The following FBXO4 variants were observed in gnomAD, a reference collection of about 807,000 sequenced individuals.
The protein encoded by FBXO4 is F-box protein 4.
FBXO4 carries 36 observed loss-of-function variants against 43.7 expected under a neutral mutation model. That is an observed-to-expected ratio of 0.82 (90% CI 0.63 to 1.09). The LOEUF is 1.09. Ranked by LOEUF, FBXO4 falls within the 50% of genes least tolerant of loss-of-function variation. The probability of loss-of-function intolerance (pLI) is 0.00; values close to 1 mark genes in which losing one functional copy is unlikely to be tolerated. For synonymous variants in FBXO4, 180 were observed against 165.6 expected (o/e 1.09, Z -0.67); for missense variants, 435 against 474.1 (o/e 0.92, Z 0.77).
chr5:42,028,961 G>C, the FBXO4 span, among the ~76,000 whole-genome samples: 1 of 151,882 alleles, frequency 6.6e-6, no homozygotes, highest in Non-Finnish European at 1.5e-5. Flanking sequence ...TCTTTATACA[G>C]AGGATGAGTA....
the FBXO4 span, among the ~76,000 whole-genome samples, chr5:41,955,974 A>G: frequency 6.6e-6 from 1 of 152,328 alleles, no homozygotes; most frequent in East Asian, 1.9e-4. Context: ...AATGGATTAA[A>G]GTTTTTCTAA....
chr5:41,996,592 T>C, the FBXO4 span, among the ~76,000 whole-genome samples: 1 of 152,164 alleles, frequency 6.6e-6, no homozygotes, highest in African/African-American at 2.4e-5. Flanking sequence ...CCTTCTCCTG[T>C]TTTGGACCCC....
chr5:41,970,220 G>T, the FBXO4 span, among the ~76,000 whole-genome samples: 1 of 152,002 alleles, frequency 6.6e-6, no homozygotes, highest in African/African-American at 2.4e-5. Flanking sequence ...TTTAAGTGGA[G>T]TATCCTGAAA....
chr5:41,984,145 GC>G, the FBXO4 span, among the ~76,000 whole-genome samples: 1 of 151,930 alleles, frequency 6.6e-6, no homozygotes, highest in African/African-American at 2.4e-5. Flanking sequence ...ATTTTAATTA[GC>G]AAATTTTATC....
At chr5:42,039,199 TCACAA>T in the FBXO4 span, among the ~76,000 whole-genome samples, 1 of 152,112 alleles carries the variant, frequency 6.6e-6, no homozygotes, top group Non-Finnish European at 1.5e-5. Context: ...GAACAAATAA[TCACAA>T]CTTGTGCTTT....
At chr5:41,973,480 C>T in the FBXO4 span, among the ~76,000 whole-genome samples, 1 of 152,028 alleles carries the variant, frequency 6.6e-6, no homozygotes, top group Non-Finnish European at 1.5e-5. Context: ...GGTTTGAGAC[C>T]AGTCTGGGCA....
At chr5:42,033,416 G>A in the FBXO4 span, among the ~76,000 whole-genome samples, 1 of 152,102 alleles carries the variant, frequency 6.6e-6, no homozygotes, top group Non-Finnish European at 1.5e-5. Context: ...TGGGATACAA[G>A]TGCAGAACGT....
chr5:41,964,018 C>A, the FBXO4 span: 1 of 152,104 alleles, frequency 6.6e-6, no homozygotes, highest in African/African-American at 2.4e-5. Flanking sequence ...GGCAATATTA[C>A]ACAAGCAATT....
At chr5:42,033,153 T>C in the FBXO4 span, among the ~76,000 whole-genome samples, 2 of 152,240 alleles carry the variant, frequency 1.3e-5, no homozygotes, top group Non-Finnish European at 2.9e-5. Flanking sequence ...GAAGTCTGTT[T>C]TGAAGTTGTG....
the FBXO4 span, among the ~76,000 whole-genome samples, chr5:41,992,446 C>T: frequency 6.6e-6 from 1 of 152,102 alleles, no homozygotes; most frequent in Non-Finnish European, 1.5e-5. Flanking sequence ...TTACCCTTAC[C>T]TTCCATTGCT....
the FBXO4 span, among the ~76,000 whole-genome samples, chr5:42,013,567 T>C: frequency 6.6e-6 from 1 of 152,216 alleles, no homozygotes; most frequent in Non-Finnish European, 1.5e-5. Context: ...CTGGTTTTCC[T>C]TCATTATGAC....
chr5:42,034,125 CT>C, the FBXO4 span, among the ~76,000 whole-genome samples: 9 of 151,002 alleles, frequency 6.0e-5, no homozygotes, highest in East Asian at 3.9e-4. Context: ...TGATGTTAAG[CT>C]TTTTTTTTCA....
downstream of FBXO4, among the ~76,000 whole-genome samples, chr5:41,943,406 T>TG (rs1752032740): frequency 6.6e-6 from 1 of 152,130 alleles, no homozygotes; most frequent in Non-Finnish European, 1.5e-5. Context: ...GTCCCTTAAA[T>TG]TCTGAATCTC....
At chr5:41,953,922 G>A in the FBXO4 span, among the ~76,000 whole-genome samples, 39 of 152,088 alleles carry the variant, frequency 2.6e-4, no homozygotes, top group African/African-American at 8.2e-4. Context: ...AGTAGGTTGC[G>A]AAGAAAACCT....
chr5:41,931,799 A>G (rs1297373571), intron 3 of FBXO4, among the ~76,000 whole-genome samples: 2 of 152,230 alleles, frequency 1.3e-5, no homozygotes, highest in African/African-American at 4.8e-5. Flanking sequence ...TGTTCAGTTT[A>G]TGTTTGGGGG....
chr5:41,943,739 A>G (rs1013745991), downstream of FBXO4, among the ~76,000 whole-genome samples: 1 of 152,148 alleles, frequency 6.6e-6, no homozygotes, highest in African/African-American at 2.4e-5. Flanking sequence ...GTGCATATTA[A>G]TAACTGTTAA....
chr5:41,949,533 A>C, the FBXO4 span, among the ~76,000 whole-genome samples: 2 of 152,182 alleles, frequency 1.3e-5, no homozygotes, highest in Non-Finnish European at 2.9e-5. Context: ...CTTCAAGGAG[A>C]ACTACAAACC....
chr5:41,940,112 A>G (rs754663838), intron 6 of FBXO4, among the ~76,000 whole-genome samples: 1 of 151,438 alleles, frequency 6.6e-6, no homozygotes, highest in Non-Finnish European at 1.5e-5. Context: ...CGGCCTCCCA[A>G]AGTGCTGGGA....
the FBXO4 span, among the ~76,000 whole-genome samples, chr5:41,962,513 T>C: frequency 6.6e-6 from 1 of 152,158 alleles, no homozygotes; most frequent in East Asian, 1.9e-4. Flanking sequence ...GCTCTTCTCT[T>C]AGCCACAGGT....
Sources: gnomAD v4.1 joint callset for allele counts (sites outside exome capture counted in the v4.1 genomes callset) on GRCh38, gnomAD v4.1.1 for gene constraint, MANE v1.5 for transcripts, NCBI Gene and HGNC (gene_info 2026-07-23, HGNC 2026-07-21) for gene names.